The following LYPLA1 variants were observed in gnomAD, a reference collection of about 807,000 sequenced individuals.
The protein encoded by LYPLA1 is acyl-protein thioesterase 1.
A neutral mutation model predicts 34.0 loss-of-function variants in LYPLA1; 17 were observed. That is an observed-to-expected ratio of 0.50 (90% confidence interval 0.34 to 0.75). LYPLA1 has a LOEUF of 0.75. LYPLA1 is among the 30% of genes least tolerant of loss of function. The pLI is 0.01. For synonymous variants in LYPLA1, 98 were observed against 100.8 expected (o/e 0.97, Z 0.17); for missense variants, 203 against 288.8 (o/e 0.70, Z 2.15).
chr8:54,049,042 A>C (rs1805663607), intron 8 of LYPLA1, among the ~76,000 whole-genome samples: 1 of 152,232 alleles, frequency 6.6e-6, no homozygotes, highest in South Asian at 2.1e-4. Context: ...TAAGGGTTCC[A>C]GGACTTCCCC....
intron 5 of LYPLA1, among the ~76,000 whole-genome samples, chr8:54,060,813 C>T (rs1806566352): frequency 6.6e-6 from 1 of 151,514 alleles, no homozygotes; most frequent in African/African-American, 2.4e-5. Flanking sequence ...CTGCCTCAGC[C>T]TCCTGAGTAA....
intron 2 of LYPLA1, 120 bp from the exon 3 acceptor site, chr8:54,065,933 T>C (rs978820699): frequency 2.8e-6 from 2 of 708,178 alleles, no homozygotes; most frequent in Admixed American, 2.3e-5. Flanking sequence ...AAATATGGTT[T>C]TTTTTTGTTT....
At chr8:54,083,424 T>A (rs1029034167) in intron 2 of LYPLA1, among the ~76,000 whole-genome samples, 4 of 152,356 alleles carry the variant, frequency 2.6e-5, no homozygotes, top group African/African-American at 9.6e-5. Flanking sequence ...TCCCAACTTA[T>A]AATGGCTAAA....
chr8:54,100,009 TA>T (rs1809995070), intron 2 of LYPLA1, among the ~76,000 whole-genome samples: 1 of 152,154 alleles, frequency 6.6e-6, no homozygotes, highest in South Asian at 2.1e-4. Flanking sequence ...AAAGAAAATT[TA>T]GTCGTTCTGG....
chr8:54,085,426 AGT>A lies in LYPLA1; in HGVS notation c.101+15480_101+15481del, dbSNP rs1808641586. Among the ~76,000 whole-genome samples, 7 of 152,284 alleles carry A rather than the reference AGT, an allele frequency of 4.6e-5. No homozygotes were observed. The South Asian group carries it at 1.4e-3, about 32-fold the overall frequency. On this transcript the variant is annotated intron_variant, in intron 2 of 8. Coordinates refer to ENST00000316963, the MANE Select transcript of LYPLA1 (RefSeq NM_006330.4). ...CCGCCACCCCATCTAGGAAGTGAGA[AGT>A]GTCTCTGCCCCGCCGCCCATCGTCT...
chr8:54,052,611 C>G (rs1427140262), intron 7 of LYPLA1, 44 bp downstream of exon 7: 3 of 1,225,140 alleles, frequency 2.4e-6, no homozygotes, highest in Non-Finnish European at 1.2e-6. Context: ...CTACTAGCTA[C>G]CTTTAGCTCA....
downstream of LYPLA1, among the ~76,000 whole-genome samples, chr8:54,045,281 C>T (rs1215486337): frequency 6.6e-6 from 1 of 152,142 alleles, no homozygotes; most frequent in East Asian, 1.9e-4. Context: ...GGATTTAAAA[C>T]TATTTATACT....
rs1367195007 is a variant in LYPLA1 at position 54,047,717 on chromosome 8, T to A, written c.*348A>T. The A allele has an allele frequency of 3.6e-5, 7 of 193,262 alleles. No individual in the cohort carries two copies. The highest frequency in any genetic ancestry group is 7.3e-5 in the Non-Finnish European group (7 of 95,444). 12.0% of individuals were successfully genotyped at this position (193,262 alleles called of 1,614,324 possible). A position where few individuals can be genotyped will look rare whatever the true frequency, so the allele number is the denominator to read the frequency against. On this transcript the variant is annotated 3_prime_UTR_variant, in exon 9 of 9. Transcript: ENST00000316963. ...TATATCTTAACTGCTCATTTATACCTGAACAAATTTTCATTAAGCATACTG... is the reference window on the plus strand; with the variant it reads ...TATATCTTAACTGCTCATTTATACCAGAACAAATTTTCATTAAGCATACTG...
Position 54,050,618 on chromosome 8 carries a change from T to C in LYPLA1, c.639+394A>G, listed in dbSNP as rs939570949. 2.0e-5 allele frequency among the ~76,000 whole-genome samples: 3 copies of C among 152,244 alleles called. No homozygotes were observed. The East Asian group carries it at 5.8e-4, about 29-fold the overall frequency. ...GCTGTTTCATCATGGTCTCAGTGCC[T>C]CCTAAGATAAAATTAATCTCTTCTC... On this transcript the variant is annotated intron_variant, in intron 8 of 8. Transcript: ENST00000316963.
intron 2 of LYPLA1, among the ~76,000 whole-genome samples, chr8:54,089,118 T>C (rs1421459490): frequency 3.3e-5 from 5 of 152,236 alleles, no homozygotes; most frequent in Admixed American, 6.5e-5. Context: ...GAACATATTC[T>C]GGAATTAAGA....
chr8:54,057,431 C>G (rs961745685), intron 5 of LYPLA1, among the ~76,000 whole-genome samples: 1 of 152,034 alleles, frequency 6.6e-6, no homozygotes. Flanking sequence ...CAACAGATGA[C>G]TGGATGAAGA....
At chr8:54,084,296 C>T (rs758507868) in intron 2 of LYPLA1, among the ~76,000 whole-genome samples, 51 of 151,390 alleles carry the variant, frequency 3.4e-4, no homozygotes, top group East Asian at 3.9e-4. Context: ...CAGAGGCCGG[C>T]GCGGTGGCTC....
chr8:54,047,848 GT>G lies in LYPLA1; in HGVS notation c.*216del, dbSNP rs1805573318. 2.5e-6 allele frequency: 1 copy of G among 402,408 alleles called. No homozygotes were observed. The highest frequency in any genetic ancestry group is 4.4e-6 in the Non-Finnish European group (1 of 227,312). 24.9% of individuals were successfully genotyped at this position (402,408 alleles called of 1,614,324 possible). On this transcript the variant is annotated 3_prime_UTR_variant, in exon 9 of 9. Transcript: ENST00000316963. ...TACCTGCTTCATCTATTCTAATATA[GT>G]AGATCCTGGGTCGTCTTATAAGAAT...
chr8:54,090,655 C>G (rs1809161799), intron 2 of LYPLA1, among the ~76,000 whole-genome samples: 1 of 152,142 alleles, frequency 6.6e-6, no homozygotes, highest in Non-Finnish European at 1.5e-5. Context: ...AAGACAGTGA[C>G]CCCCCTGGAC....
At chr8:54,098,785 G>A (rs763090017) in intron 2 of LYPLA1, among the ~76,000 whole-genome samples, 26 of 152,150 alleles carry the variant, frequency 1.7e-4, no homozygotes, top group Non-Finnish European at 2.9e-4. Flanking sequence ...AGTTAACCAC[G>A]GGTAACTGAA....
chr8:54,060,377 A>G (rs1806513200), intron 5 of LYPLA1, among the ~76,000 whole-genome samples: 2 of 152,178 alleles, frequency 1.3e-5, no homozygotes, highest in African/African-American at 4.8e-5. Context: ...CGCCTGCCTC[A>G]GCCTCCCAAA....
At chr8:54,068,243 A>G (rs141829835) in intron 2 of LYPLA1, among the ~76,000 whole-genome samples, 32 of 152,334 alleles carry the variant, frequency 2.1e-4, no homozygotes, top group African/African-American at 6.3e-4. Context: ...ATGGAAGGAT[A>G]TCCCACTTTC....
chr8:54,086,712 A>T (rs898208581), intron 2 of LYPLA1, among the ~76,000 whole-genome samples: 1 of 151,890 alleles, frequency 6.6e-6, no homozygotes, highest in Admixed American at 6.6e-5. Flanking sequence ...AAAATAAGAA[A>T]ATTAGCCAGG....
intron 2 of LYPLA1, among the ~76,000 whole-genome samples, chr8:54,067,215 G>A (rs574736147): frequency 1.3e-5 from 2 of 152,084 alleles, no homozygotes; most frequent in East Asian, 1.9e-4. Context: ...AGCAACTTTC[G>A]CTGAGCATGG....
Sources: allele counts gnomAD v4.1 joint callset (sites outside exome capture counted in the v4.1 genomes callset), GRCh38; gene constraint gnomAD v4.1.1; transcripts MANE v1.5; gene names NCBI Gene and HGNC (gene_info 2026-07-23, HGNC 2026-07-21).